The following RIMKLB variants were observed in gnomAD, a reference collection of about 807,000 sequenced individuals.
RIMKLB encodes the protein ribosomal modification protein rimK like family member B.
Under a neutral mutation model 32.0 loss-of-function variants are expected in RIMKLB, and 7 were observed. That is an observed-to-expected ratio of 0.22 (90% CI 0.12 to 0.41). The LOEUF (loss-of-function observed/expected upper bound fraction) is 0.41. Ranked by LOEUF, RIMKLB falls within the 10% of genes least tolerant of loss-of-function variation. The pLI is 1.00. For missense variants in RIMKLB, 289 were observed against 498.7 expected, an observed-to-expected ratio of 0.58 and a Z score of 4.00; for synonymous variants, 172 against 185.1, an observed-to-expected ratio of 0.93 and a Z score of 0.57.
chr12:8,732,777 A>G (rs1188754370), intron 2 of RIMKLB, among the ~76,000 whole-genome samples: 1 of 151,536 alleles, frequency 6.6e-6, no homozygotes, highest in East Asian at 1.9e-4. Context: ...ACACACACAC[A>G]CACACTCTCT....
intron 5 of RIMKLB, among the ~76,000 whole-genome samples, chr12:8,761,072 G>A (rs868799051): frequency 1.3e-4 from 20 of 151,718 alleles, no homozygotes; most frequent in Admixed American, 2.0e-4. Flanking sequence ...TTTTCTGGCC[G>A]GGTGCAGTGG....
intron 1 of RIMKLB, among the ~76,000 whole-genome samples, chr12:8,707,361 A>G (rs937810835): frequency 1.3e-5 from 2 of 152,226 alleles, no homozygotes; most frequent in African/African-American, 4.8e-5. Context: ...ACTCAGGGAA[A>G]CATGTTTACG....
chr12:8,674,422 G>C, the RIMKLB span, among the ~76,000 whole-genome samples: 3 of 151,726 alleles, frequency 2.0e-5, no homozygotes, highest in Non-Finnish European at 4.4e-5. Flanking sequence ...TGTATTTTTA[G>C]TAGAGATGGG....
downstream of RIMKLB, among the ~76,000 whole-genome samples, chr12:8,778,121 C>A (rs1338990495): frequency 6.6e-6 from 1 of 152,042 alleles, no homozygotes; most frequent in Non-Finnish European, 1.5e-5. Flanking sequence ...TTGTTTGTTT[C>A]TTCCATTGTG....
chr12:8,776,256 T>C lies in RIMKLB; in HGVS notation c.*2472T>C. On this transcript the variant is annotated 3_prime_UTR_variant, in exon 6 of 6. Coordinates refer to ENST00000535829, the MANE Select transcript of RIMKLB (RefSeq NM_001297776.2). ...TATTCACTATTATGCATTCACATGA[T>C]ATTAAAACGTACACTCACATGTTAG... 1.0e-6 allele frequency: 1 copy of C among 977,760 alleles called. No individual in the cohort carries two copies. Among genetic ancestry groups the C allele is most frequent in the Non-Finnish European group, 1.2e-6 (1 of 822,954 alleles). The allele number at this position is 977,760 out of a possible 1,614,324, so 60.6% of individuals were successfully genotyped here.
intron 1 of RIMKLB, among the ~76,000 whole-genome samples, chr12:8,709,176 C>A (rs893056350): frequency 1.3e-5 from 2 of 152,086 alleles, no homozygotes; most frequent in African/African-American, 4.8e-5. Context: ...AAAAGTTTGC[C>A]ATTTTATTTT....
the RIMKLB span, among the ~76,000 whole-genome samples, chr12:8,675,501 T>A: frequency 6.6e-6 from 1 of 152,240 alleles, no homozygotes; most frequent in African/African-American, 2.4e-5. Flanking sequence ...TATTGGTTTA[T>A]TCTCCCAGAT....
chr12:8,686,049 G>A (rs1942561472), intron 1 of RIMKLB, among the ~76,000 whole-genome samples: 1 of 151,886 alleles, frequency 6.6e-6, no homozygotes, highest in African/African-American at 2.4e-5. Context: ...CTTGTGATCC[G>A]CCCACCTCGG....
upstream of RIMKLB, among the ~76,000 whole-genome samples, chr12:8,680,311 C>G (rs958137478): frequency 6.6e-6 from 1 of 152,132 alleles, no homozygotes; most frequent in African/African-American, 2.4e-5. Context: ...CGCCCGCCAC[C>G]ACGCCCGGCT....
At chr12:8,672,961 A>T in the RIMKLB span, among the ~76,000 whole-genome samples, 2 of 152,188 alleles carry the variant, frequency 1.3e-5, no homozygotes, top group African/African-American at 4.8e-5. Context: ...GACTCACTGC[A>T]ACCTCCACCT....
the RIMKLB span, among the ~76,000 whole-genome samples, chr12:8,675,815 G>T: frequency 6.7e-6 from 1 of 149,520 alleles, no homozygotes. Context: ...TTTTTTAACG[G>T]AAGTGTAATA....
At chr12:8,777,771 T>G, downstream of RIMKLB, 1 of 1,030,288 alleles carries the variant, frequency 9.7e-7, no homozygotes, top group Non-Finnish European at 1.2e-6. Flanking sequence ...TGCACCGGTT[T>G]GGATTCAGGC....
downstream of RIMKLB, chr12:8,779,158 C>T (rs2138395886): frequency 6.6e-6 from 1 of 152,302 alleles, no homozygotes; most frequent in South Asian, 2.1e-4. Flanking sequence ...TTAGAGCATA[C>T]AGACTATGTG....
intron 2 of RIMKLB, among the ~76,000 whole-genome samples, chr12:8,730,491 C>T (rs1247477488): frequency 6.6e-6 from 1 of 152,160 alleles, no homozygotes; most frequent in Non-Finnish European, 1.5e-5. Context: ...TAATAGCTTG[C>T]CTCAGGCCTC....
intron 2 of RIMKLB, among the ~76,000 whole-genome samples, chr12:8,732,715 G>A (rs759474923): frequency 1.3e-4 from 20 of 151,506 alleles, no homozygotes; most frequent in African/African-American, 3.2e-4. Flanking sequence ...ATATTCTTCC[G>A]GGGGAAAGCG....
At chr12:8,702,970 CT>C (rs771035430) in intron 1 of RIMKLB, among the ~76,000 whole-genome samples, 7 of 152,258 alleles carry the variant, frequency 4.6e-5, no homozygotes, top group Non-Finnish European at 1.0e-4. Context: ...ATGTAAGTTT[CT>C]TCTATTAAGT....
intron 1 of RIMKLB, among the ~76,000 whole-genome samples, chr12:8,710,099 G>A (rs1944239158): frequency 6.6e-6 from 1 of 151,900 alleles, no homozygotes; most frequent in East Asian, 1.9e-4. Flanking sequence ...TGATTCTCCT[G>A]CCTCCGCCAC....
intron 2 of RIMKLB, among the ~76,000 whole-genome samples, chr12:8,723,881 C>T (rs755887973): frequency 3.9e-4 from 53 of 135,564 alleles, no homozygotes; most frequent in Admixed American, 1.2e-3. Flanking sequence ...GTGGTGCAGT[C>T]CTGGCTCACT....
intron 5 of RIMKLB, 73 bp downstream of exon 5, chr12:8,754,166 T>G: frequency 8.8e-7 from 1 of 1,137,436 alleles, no homozygotes; most frequent in South Asian, 1.2e-5. Flanking sequence ...TTCATATGTA[T>G]GTAACTCTAG....
Sources: allele counts gnomAD v4.1 joint callset (sites outside exome capture counted in the v4.1 genomes callset), GRCh38; gene constraint gnomAD v4.1.1; transcripts MANE v1.5; gene names NCBI Gene and HGNC (gene_info 2026-07-23, HGNC 2026-07-21).